PRELID2: variants seen among roughly 807,000 people sequenced by gnomAD.
PRELID2 encodes PRELI domain containing 2.
Under a neutral mutation model 28.4 loss-of-function variants are expected in PRELID2, and 25 were observed. That is an observed-to-expected ratio of 0.88 (90% CI 0.64 to 1.23). The LOEUF (loss-of-function observed/expected upper bound fraction) is 1.23, where lower values mean the gene tolerates loss of function less well. Among genes scored for constraint, PRELID2 ranks in the 50% most tolerant of loss-of-function variants. PRELID2 has a pLI of 0.00. For synonymous variants in PRELID2, 76 were observed against 71.6 expected (o/e 1.06, Z -0.31); for missense variants, 201 against 214.4 (o/e 0.94, Z 0.39).
the PRELID2 span, among the ~76,000 whole-genome samples, chr5:145,411,378 C>T: frequency 1.2e-4 from 19 of 152,208 alleles, no homozygotes; most frequent in South Asian, 2.1e-4. Context: ...CCACAACATG[C>T]GGGAATTCAA....
the PRELID2 span, among the ~76,000 whole-genome samples, chr5:145,377,519 A>G: frequency 6.6e-6 from 1 of 152,170 alleles, no homozygotes; most frequent in African/African-American, 2.4e-5. Flanking sequence ...TAAGGTCTCT[A>G]AGAACTTGCT....
downstream of PRELID2, among the ~76,000 whole-genome samples, chr5:145,469,761 G>T (rs527358610): frequency 2.6e-5 from 4 of 152,132 alleles, no homozygotes; most frequent in East Asian, 5.8e-4. Flanking sequence ...CCTCTGGCTC[G>T]ATCAAAGAAG....
At chr5:145,717,398 T>C (rs1755872312) in intron 1 of PRELID2, among the ~76,000 whole-genome samples, 1 of 152,136 alleles carries the variant, frequency 6.6e-6, no homozygotes, top group Non-Finnish European at 1.5e-5. Context: ...CTGTACACTT[T>C]AAAATGGTTA....
intron 1 of PRELID2, among the ~76,000 whole-genome samples, chr5:145,653,918 T>C (rs181004793): frequency 1.6e-4 from 24 of 152,096 alleles, no homozygotes; most frequent in Non-Finnish European, 2.5e-4. Flanking sequence ...GTGAAGTAGA[T>C]AGAGACATAA....
intron 1 of PRELID2, among the ~76,000 whole-genome samples, chr5:145,647,949 C>T (rs938657882): frequency 1.3e-5 from 2 of 152,212 alleles, no homozygotes; most frequent in Non-Finnish European, 2.9e-5. Flanking sequence ...GCAGCAGTCT[C>T]ACCGGGAGCT....
intron 5 of PRELID2, among the ~76,000 whole-genome samples, chr5:145,780,712 GA>G (rs912522112): frequency 6.6e-6 from 1 of 151,974 alleles, no homozygotes; most frequent in African/African-American, 2.4e-5. Context: ...GAGAATAATA[GA>G]AAAACCAATA....
In PRELID2 at chr5:145,738,293, T is replaced by C. The variant is rs934905657; in HGVS notation, n.70+26638A>G. On this transcript the variant is annotated intron_variant and non_coding_transcript_variant, in intron 1 of 2. Coordinates refer to the PRELID2 transcript ENST00000510259. ...CAAAATATCCAAGTTTCAATAAAAATATCACTCATATCAAGAACCAGAAAG... is the reference window on the plus strand; with the variant it reads ...CAAAATATCCAAGTTTCAATAAAAACATCACTCATATCAAGAACCAGAAAG... Among the ~76,000 whole-genome samples, 3 of 152,164 alleles carry C rather than the reference T, an allele frequency of 2.0e-5. No homozygotes were observed. The South Asian group carries it at 6.2e-4, about 32-fold the overall frequency.
At chr5:145,414,198 T>C in the PRELID2 span, among the ~76,000 whole-genome samples, 4 of 152,256 alleles carry the variant, frequency 2.6e-5, no homozygotes, top group South Asian at 2.1e-4. Flanking sequence ...ACCAGAGAAA[T>C]TGACTGTTTG....
At chr5:145,749,145 C>CTGCACAGCAAA (rs1227502568) in intron 1 of PRELID2, among the ~76,000 whole-genome samples, 1 of 152,136 alleles carries the variant, frequency 6.6e-6, no homozygotes, top group Non-Finnish European at 1.5e-5. Flanking sequence ...TAAAGAGCTT[C>CTGCACAGCAAA]TGCACAGCAA....
intron 1 of PRELID2, among the ~76,000 whole-genome samples, chr5:145,657,012 A>G (rs1277973782): frequency 6.6e-6 from 1 of 152,216 alleles, no homozygotes; most frequent in Non-Finnish European, 1.5e-5. Context: ...AAAAGCATCT[A>G]GTACAGTGCC....
intron 1 of PRELID2, chr5:145,728,765 T>C: frequency 2.2e-6 from 3 of 1,352,092 alleles, no homozygotes; most frequent in Admixed American, 3.4e-5. Context: ...CTTCATTTTG[T>C]TTTGCACCAA....
At chr5:145,245,357 C>T in the PRELID2 span, among the ~76,000 whole-genome samples, 1 of 151,898 alleles carries the variant, frequency 6.6e-6, no homozygotes, top group Non-Finnish European at 1.5e-5. Context: ...CCCTCACTTC[C>T]ACCCAAAGTA....
At chr5:145,741,439 ATT>A (rs1344558281) in intron 1 of PRELID2, among the ~76,000 whole-genome samples, 1 of 107,220 alleles carries the variant, frequency 9.3e-6, no homozygotes, top group Non-Finnish European at 1.7e-5. Flanking sequence ...TATAAACAAA[ATT>A]TATTTATAAA....
the PRELID2 span, among the ~76,000 whole-genome samples, chr5:145,299,389 TTGTGA>T: frequency 1.3e-5 from 2 of 152,276 alleles, no homozygotes; most frequent in South Asian, 4.2e-4. Context: ...ATTACTCTAA[TTGTGA>T]TGTTTAATCT....
intron 1 of PRELID2, among the ~76,000 whole-genome samples, chr5:145,610,221 C>T (rs10062202): frequency 2.0e-5 from 3 of 152,170 alleles, no homozygotes; most frequent in Non-Finnish European, 4.4e-5. Flanking sequence ...GTTCTACTGA[C>T]TCCACACTGA....
chr5:145,333,693 T>C, the PRELID2 span, among the ~76,000 whole-genome samples: 1 of 152,108 alleles, frequency 6.6e-6, no homozygotes, highest in Non-Finnish European at 1.5e-5. Context: ...CAGTGAATCT[T>C]AGCTTGCTGG....
chr5:145,611,747 C>T (rs563542260), intron 1 of PRELID2, among the ~76,000 whole-genome samples: 1 of 152,214 alleles, frequency 6.6e-6, no homozygotes, highest in East Asian at 1.9e-4. Context: ...ATCAAAATCC[C>T]AACAGATATT....
chr5:145,661,388 A>C lies in PRELID2; in HGVS notation n.70+103543T>G, dbSNP rs1368372692. ...CTGTGCGGCATTGCATGACCCACTT[A>C]ACTATAAATTAGAACAGATGTGACT... On this transcript the variant is annotated intron_variant and non_coding_transcript_variant, in intron 1 of 2. Coordinates refer to the PRELID2 transcript ENST00000510259. 2.0e-5 allele frequency among the ~76,000 whole-genome samples: 3 copies of C among 152,112 alleles called. No individual in the cohort carries two copies. In the South Asian group the frequency reaches 6.2e-4, roughly 31 times the overall value.
chr5:145,467,214 A>G (rs1288220413), downstream of PRELID2, among the ~76,000 whole-genome samples: 4 of 152,132 alleles, frequency 2.6e-5, no homozygotes, highest in Non-Finnish European at 5.9e-5. Context: ...TCACTGTTAT[A>G]ACCAAGAGTA....
Sources: gnomAD v4.1 joint callset for allele counts (sites outside exome capture counted in the v4.1 genomes callset) on GRCh38, gnomAD v4.1.1 for gene constraint, MANE v1.5 for transcripts, NCBI Gene and HGNC (gene_info 2026-07-23, HGNC 2026-07-21) for gene names.